The following PBX1 variants were observed in gnomAD, a reference collection of about 807,000 sequenced individuals.
The protein encoded by PBX1 is PBX homeobox 1.
A neutral mutation model predicts 53.4 loss-of-function variants in PBX1; 6 were observed. The observed-to-expected ratio is 0.11, with a 90% CI of 0.06 to 0.22. The LOEUF (loss-of-function observed/expected upper bound fraction) is 0.22. Among genes scored for constraint, PBX1 ranks in the 10% least tolerant of loss-of-function variants. PBX1 has a pLI of 1.00. For synonymous variants in PBX1, 204 were observed against 212.3 expected (o/e 0.96, Z 0.34); for missense variants, 251 against 551.4 (o/e 0.46, Z 5.46).
At chr1:164,699,446 C>T (rs1364156819) in intron 2 of PBX1, among the ~76,000 whole-genome samples, 1 of 152,036 alleles carries the variant, frequency 6.6e-6, no homozygotes, top group African/African-American at 2.4e-5. Context: ...CCCAAAGTAC[C>T]TCCACCTCCT....
chr1:164,624,812 C>T (rs1414229359), intron 2 of PBX1, among the ~76,000 whole-genome samples: 3 of 152,146 alleles, frequency 2.0e-5, no homozygotes, highest in African/African-American at 7.2e-5. Flanking sequence ...AATGTTTTGA[C>T]ATTAAGAGAG....
intron 2 of PBX1, among the ~76,000 whole-genome samples, chr1:164,735,991 A>G (rs919893452): frequency 3.3e-5 from 5 of 152,138 alleles, no homozygotes; most frequent in Non-Finnish European, 5.9e-5. Flanking sequence ...TGGCTTGTCT[A>G]TGGATGTGAG....
chr1:164,727,078 C>G (rs1322506726), intron 2 of PBX1, among the ~76,000 whole-genome samples: 1 of 151,952 alleles, frequency 6.6e-6, no homozygotes, highest in Non-Finnish European at 1.5e-5. Flanking sequence ...AGCTCAACAC[C>G]AAGCTTTGTC....
intron 2 of PBX1, among the ~76,000 whole-genome samples, chr1:164,761,001 T>A (rs1249376609): frequency 6.6e-6 from 1 of 152,222 alleles, no homozygotes; most frequent in Non-Finnish European, 1.5e-5. Context: ...ATTCTAAAAG[T>A]ATAAGCAACC....
intron 2 of PBX1, among the ~76,000 whole-genome samples, chr1:164,784,683 A>C (rs577766731): frequency 6.6e-6 from 1 of 152,374 alleles, no homozygotes; most frequent in East Asian, 1.9e-4. Flanking sequence ...AAACGAGTGA[A>C]TCTAAGAGCT....
At chr1:164,563,385 T>C in intron 2 of PBX1, 74 bp downstream of exon 2, 1 of 936,530 alleles carries the variant, frequency 1.1e-6, no homozygotes, top group Admixed American at 2.1e-5. Context: ...CACAAATCTA[T>C]TATTTAAATA....
In PBX1 at chr1:164,597,633, A is replaced by G. The variant is rs115453050; in HGVS notation, c.265+34322A>G. 7.7e-3 allele frequency among the ~76,000 whole-genome samples: 1,179 copies of G among 152,172 alleles called. 20 individuals are homozygous for G. Among genetic ancestry groups the G allele is most frequent in the African/African-American group, 0.027 (1,113 of 41,526 alleles). On this transcript the variant is annotated intron_variant, in intron 2 of 8. Coordinates refer to ENST00000420696, the MANE Select transcript of PBX1 (RefSeq NM_002585.4). ...TATTGCCTTGAAGCCAGGACCTGGT[A>G]TGTACTTTTTCTCCATGAATTTGTG...
chr1:164,691,255 C>A (rs1662467848), intron 2 of PBX1, among the ~76,000 whole-genome samples: 1 of 151,968 alleles, frequency 6.6e-6, no homozygotes, highest in Non-Finnish European at 1.5e-5. Context: ...CTCAAGTGAT[C>A]CTCCCACCTT....
intron 4 of PBX1, among the ~76,000 whole-genome samples, chr1:164,806,545 A>C (rs1669360925): frequency 6.6e-6 from 1 of 152,178 alleles, no homozygotes; most frequent in African/African-American, 2.4e-5. Context: ...TTTTTAACTT[A>C]TGGCTGCAGA....
chr1:164,787,365 C>T (rs1668254185), intron 2 of PBX1, among the ~76,000 whole-genome samples: 2 of 152,024 alleles, frequency 1.3e-5, no homozygotes, highest in Non-Finnish European at 2.9e-5. Context: ...GTAGATCTGC[C>T]CTCCTCCCCT....
intron 2 of PBX1, among the ~76,000 whole-genome samples, chr1:164,568,544 A>G (rs1359206004): frequency 6.6e-6 from 1 of 152,218 alleles, no homozygotes; most frequent in Non-Finnish European, 1.5e-5. Context: ...GCAATAATTG[A>G]TAAATAAGTA....
chr1:164,570,061 G>A (rs543863579), intron 2 of PBX1, among the ~76,000 whole-genome samples: 8 of 152,122 alleles, frequency 5.3e-5, no homozygotes, highest in Admixed American at 6.5e-5. Flanking sequence ...TTTTCTTAGC[G>A]TCAGCAACTG....
At chr1:164,768,041 G>A (rs1434540086) in intron 2 of PBX1, among the ~76,000 whole-genome samples, 3 of 151,288 alleles carry the variant, frequency 2.0e-5, no homozygotes, top group Admixed American at 1.3e-4. Flanking sequence ...CCTACTTAAC[G>A]AAAACAACTT....
intron 2 of PBX1, among the ~76,000 whole-genome samples, chr1:164,661,559 T>A (rs1418428951): frequency 6.6e-6 from 1 of 151,800 alleles, no homozygotes; most frequent in Non-Finnish European, 1.5e-5. Flanking sequence ...CCCGAGTAGC[T>A]GGGATTACAG....
chr1:164,763,197 G>T (rs371076058), intron 2 of PBX1, among the ~76,000 whole-genome samples: 1 of 152,182 alleles, frequency 6.6e-6, no homozygotes, highest in South Asian at 2.1e-4. Flanking sequence ...GATATAAGCA[G>T]TTCAGGGCTG....
intron 2 of PBX1, among the ~76,000 whole-genome samples, chr1:164,856,845 A>G (rs1671988217): frequency 6.6e-6 from 1 of 152,172 alleles, no homozygotes; most frequent in Non-Finnish European, 1.5e-5. Flanking sequence ...AATTGCTGCC[A>G]TAACTGGTCC....
chr1:164,747,376 A>G (rs571333149), intron 2 of PBX1, among the ~76,000 whole-genome samples: 8 of 152,282 alleles, frequency 5.3e-5, no homozygotes, highest in South Asian at 4.1e-4. Flanking sequence ...ATATACATAC[A>G]TATTTCAAAG....
At chr1:164,730,335 G>A (rs542362403) in intron 2 of PBX1, among the ~76,000 whole-genome samples, 11 of 152,232 alleles carry the variant, frequency 7.2e-5, no homozygotes, top group African/African-American at 2.6e-4. Flanking sequence ...GCTGCTGTGT[G>A]CCCAGAAGCC....
At chr1:164,621,368 G>A (rs376174900) in intron 2 of PBX1, among the ~76,000 whole-genome samples, 22 of 152,130 alleles carry the variant, frequency 1.4e-4, no homozygotes, top group African/African-American at 5.1e-4. Context: ...TATCCCCAAC[G>A]GGGGCGAGAA....
Sources: allele counts gnomAD v4.1 joint callset (sites outside exome capture counted in the v4.1 genomes callset), GRCh38; gene constraint gnomAD v4.1.1; transcripts MANE v1.5; gene names NCBI Gene and HGNC (gene_info 2026-07-23, HGNC 2026-07-21).